The following TAOK3 variants were observed in gnomAD, a reference collection of about 807,000 sequenced individuals.
TAOK3 encodes TAO kinase 3, also known as serine/threonine-protein kinase TAO3.
A neutral mutation model predicts 120.4 loss-of-function variants in TAOK3; 40 were observed. The ratio of observed to expected loss-of-function variants is 0.33; its 90% CI spans 0.26 to 0.43. The LOEUF (loss-of-function observed/expected upper bound fraction) is 0.43. Among genes scored for constraint, TAOK3 ranks in the 20% least tolerant of loss-of-function variants. The pLI, the probability that TAOK3 is intolerant of heterozygous loss-of-function variation, is 1.00. For missense variants in TAOK3, 821 were observed against 1,112.1 expected (o/e 0.74, Z 3.72); for synonymous variants, 355 against 387.5 (o/e 0.92, Z 0.99).
intron 1 of TAOK3, among the ~76,000 whole-genome samples, chr12:118,351,400 G>A (rs531532284): frequency 2.0e-5 from 3 of 152,176 alleles, no homozygotes; most frequent in South Asian, 2.1e-4. Flanking sequence ...GGCCTGACCC[G>A]AGTAGATGCT....
intron 1 of TAOK3, among the ~76,000 whole-genome samples, chr12:118,280,478 C>T (rs1022553233): frequency 1.3e-5 from 2 of 152,178 alleles, no homozygotes; most frequent in Admixed American, 6.5e-5. Flanking sequence ...TTGTTTCTGT[C>T]GACTTGGTCA....
At chr12:118,288,010 T>G (rs1405883623) in intron 1 of TAOK3, among the ~76,000 whole-genome samples, 1 of 151,066 alleles carries the variant, frequency 6.6e-6, no homozygotes, top group Admixed American at 6.7e-5. Flanking sequence ...AAATAAACCT[T>G]CATACAGCTA....
At chr12:118,332,663 C>T (rs1191252101) in intron 1 of TAOK3, among the ~76,000 whole-genome samples, 3 of 152,208 alleles carry the variant, frequency 2.0e-5, no homozygotes, top group African/African-American at 7.2e-5. Context: ...GTCAATTAGC[C>T]ATTCCCGACT....
chr12:118,317,610 A>T (rs1046768704), intron 1 of TAOK3, among the ~76,000 whole-genome samples: 2 of 151,982 alleles, frequency 1.3e-5, no homozygotes, highest in Non-Finnish European at 2.9e-5. Context: ...AAATTTTTAA[A>T]GACCTAAATA....
chr12:118,209,585 A>C (rs2038514005), intron 11 of TAOK3, among the ~76,000 whole-genome samples: 1 of 151,854 alleles, frequency 6.6e-6, no homozygotes, highest in South Asian at 2.1e-4. Context: ...TTTTAGTAGA[A>C]ATGGGGTTTC....
chr12:118,242,014 G>C, intron 5 of TAOK3, among the ~76,000 whole-genome samples: 1 of 151,632 alleles, frequency 6.6e-6, no homozygotes, highest in African/African-American at 2.4e-5. Context: ...TTGAACCCGG[G>C]AGGTGGAGGT....
rs148122514 is a variant in TAOK3 at position 118,288,897 on chromosome 12, C to T, written c.-193-22138G>A. On this transcript the variant is annotated intron_variant, in intron 1 of 20. Transcript: ENST00000392533. ...CACCGTTGCACTCTAGCCTGGACAA[C>T]AGAGCAAGACTCTATCTCAAAAAAA... Among the ~76,000 whole-genome samples the T allele has an allele frequency of 7.1e-4, 73 of 102,820 alleles. 1 individual carries two copies. In the East Asian group the frequency reaches 0.018, roughly 26 times the overall value. 67.5% of individuals were successfully genotyped at this position (102,820 alleles called of 152,430 possible). A position where few individuals can be genotyped will look rare whatever the true frequency, so the allele number is the denominator to read the frequency against.
intron 1 of TAOK3, among the ~76,000 whole-genome samples, chr12:118,313,264 T>C (rs1056739704): frequency 3.3e-5 from 5 of 152,044 alleles, no homozygotes; most frequent in African/African-American, 9.7e-5. Context: ...TCTTCTTTTT[T>C]ATTTTTTATT....
Position 118,238,172 on chromosome 12 carries a change from G to T in TAOK3, c.341-3C>A. The T allele has an allele frequency of 6.3e-7, 1 of 1,583,604 alleles. No individual in the cohort carries two copies. The highest frequency in any genetic ancestry group is 8.6e-7 in the Non-Finnish European group (1 of 1,162,864). Reference sequence around the variant, plus strand: ...TTCCTGAAGTGGTTTTTTATGAACTGAGGAAGGAAAAAAAAAAAAGTCAGT... The same window carrying T: ...TTCCTGAAGTGGTTTTTTATGAACTTAGGAAGGAAAAAAAAAAAAGTCAGT... On this transcript the variant is annotated splice_region_variant and splice_polypyrimidine_tract_variant and intron_variant, in intron 6 of 20. Coordinates refer to ENST00000392533, the MANE Select transcript of TAOK3 (RefSeq NM_016281.4).
intron 9 of TAOK3, among the ~76,000 whole-genome samples, chr12:118,222,360 C>T (rs889406572): frequency 6.6e-6 from 1 of 152,006 alleles, no homozygotes; most frequent in Non-Finnish European, 1.5e-5. Context: ...GGGTGAAACC[C>T]CGTCTCTACT....
chr12:118,354,559 G>A (rs75770588), intron 1 of TAOK3, among the ~76,000 whole-genome samples: 3,398 of 152,062 alleles, frequency 0.022, 125 homozygotes, highest in African/African-American at 0.077. Context: ...AGGCCAGACC[G>A]GATTTGGCTA....
chr12:118,191,161 G>A (rs780482238), intron 13 of TAOK3, among the ~76,000 whole-genome samples: 5 of 152,090 alleles, frequency 3.3e-5, no homozygotes, highest in Non-Finnish European at 5.9e-5. Context: ...TCCAAAATTT[G>A]GGGAGAAATT....
intron 1 of TAOK3, among the ~76,000 whole-genome samples, chr12:118,277,897 A>C (rs778377827): frequency 2.6e-5 from 4 of 152,158 alleles, no homozygotes; most frequent in Non-Finnish European, 5.9e-5. Context: ...AGGGAATATA[A>C]TCTTGTCTTA....
At chr12:118,274,478 T>C (rs539502144) in intron 1 of TAOK3, among the ~76,000 whole-genome samples, 1 of 152,288 alleles carries the variant, frequency 6.6e-6, no homozygotes, top group Non-Finnish European at 1.5e-5. Context: ...AGTCACTCTT[T>C]AAGACTTTAT....
chr12:118,155,120 T>G (rs533714688), intron 19 of TAOK3, among the ~76,000 whole-genome samples: 1 of 152,100 alleles, frequency 6.6e-6, no homozygotes, highest in Non-Finnish European at 1.5e-5. Context: ...CTCAGCCTCC[T>G]GAGTAGCTGG....
At chr12:118,266,868 A>C (rs1257171484) in intron 1 of TAOK3, 109 bp from the exon 2 acceptor site, 1 of 376,964 alleles carries the variant, frequency 2.7e-6, no homozygotes, top group Admixed American at 4.5e-5. Context: ...CAAAGTTAAA[A>C]TTTTATCTTC....
chr12:118,282,015 T>C (rs1256008396), intron 1 of TAOK3, among the ~76,000 whole-genome samples: 1 of 152,230 alleles, frequency 6.6e-6, no homozygotes, highest in Non-Finnish European at 1.5e-5. Flanking sequence ...TTTAAAATTA[T>C]AGAAAATGCT....
chr12:118,348,248 A>C (rs987888472), intron 1 of TAOK3, among the ~76,000 whole-genome samples: 16 of 152,158 alleles, frequency 1.1e-4, no homozygotes, highest in Admixed American at 1.0e-3. Flanking sequence ...CCTTGATGTC[A>C]TTCTATTTTG....
intron 2 of TAOK3, among the ~76,000 whole-genome samples, chr12:118,264,181 T>C (rs950978325): frequency 1.3e-5 from 2 of 152,228 alleles, no homozygotes; most frequent in African/African-American, 4.8e-5. Context: ...GGCAGTTTCT[T>C]AAAAAGTTAA....
Sources: allele counts gnomAD v4.1 joint callset (sites outside exome capture counted in the v4.1 genomes callset), GRCh38; gene constraint gnomAD v4.1.1; transcripts MANE v1.5; gene names NCBI Gene and HGNC (gene_info 2026-07-23, HGNC 2026-07-21).